Variants in UMAD1 observed in about 807,000 individuals in gnomAD.
UMAD1 encodes UBAP1-MVB12-associated (UMA)-domain containing protein 1.
UMAD1 carries 8 observed loss-of-function variants against 6.1 expected under a neutral mutation model. The ratio of observed to expected loss-of-function variants is 1.30; its 90% confidence interval spans 0.76 to 2.35. The LOEUF is 2.35. Ranked by LOEUF, UMAD1 falls within the 30% of genes most tolerant of loss-of-function variation. UMAD1 has a pLI of 0.00. For missense variants in UMAD1, 130 were observed against 78.4 expected, an observed-to-expected ratio of 1.66 and a Z score of -2.49; for synonymous variants, 56 against 31.4, an observed-to-expected ratio of 1.78 and a Z score of -2.61.
At chr7:7,716,768 A>C (rs2115177574) in intron 2 of UMAD1, among the ~76,000 whole-genome samples, 1 of 152,172 alleles carries the variant, frequency 6.6e-6, no homozygotes, top group South Asian at 2.1e-4. Flanking sequence ...ACACGGTGAA[A>C]CCCCGTCTCT....
chr7:7,740,482 C>T (rs557818950), intron 2 of UMAD1, among the ~76,000 whole-genome samples: 41 of 152,312 alleles, frequency 2.7e-4, no homozygotes, highest in Non-Finnish European at 5.3e-4. Context: ...AGTTTTCTAT[C>T]AACTCTTAAA....
chr7:7,811,078 C>T (rs1044358817), intron 3 of UMAD1, among the ~76,000 whole-genome samples: 1 of 152,118 alleles, frequency 6.6e-6, no homozygotes, highest in African/African-American at 2.4e-5. Flanking sequence ...GGCATATTTT[C>T]CCCCGCAAAA....
At chr7:7,658,951 G>C (rs1318315074) in intron 1 of UMAD1, among the ~76,000 whole-genome samples, 1 of 151,954 alleles carries the variant, frequency 6.6e-6, no homozygotes, top group African/African-American at 2.4e-5. Flanking sequence ...TTTTTTGGTT[G>C]GTAGGCTATT....
At chr7:7,781,521 C>T (rs1376379852) in intron 2 of UMAD1, among the ~76,000 whole-genome samples, 1 of 151,784 alleles carries the variant, frequency 6.6e-6, no homozygotes, top group Non-Finnish European at 1.5e-5. Context: ...AGAAATGATT[C>T]TCCATTTATT....
intron 2 of UMAD1, among the ~76,000 whole-genome samples, chr7:7,793,754 T>C (rs1782615193): frequency 6.6e-6 from 1 of 152,174 alleles, no homozygotes; most frequent in African/African-American, 2.4e-5. Flanking sequence ...CTAAAATGAA[T>C]GTCCAAAAGC....
rs147523661 is a variant in UMAD1, at chr7:7,673,122, G to A, written c.-63-187G>A. On this transcript the variant is annotated intron_variant, in intron 1 of 3. Coordinates refer to ENST00000682710, the MANE Select transcript of UMAD1 (RefSeq NM_001302348.2). The stretch of plus-strand genomic sequence containing the variant: ...ACTGTGAACTTCAAAGGATACAGGA[G>A]TTTAAATTGGAAGATCATTTTCTAG... Among the ~76,000 whole-genome samples the A allele has an allele frequency of 1.8e-4, 27 of 152,314 alleles. 1 individual carries two copies. Among genetic ancestry groups the A allele is most frequent in the Non-Finnish European group, 3.4e-4 (23 of 68,030 alleles).
chr7:7,641,569 G>A (rs1263048742), intron 1 of UMAD1: 40 of 152,250 alleles, frequency 2.6e-4, no homozygotes, highest in Admixed American at 2.6e-3. Context: ...AGGGCGATCT[G>A]GAGGTCTGGA....
chr7:7,714,801 T>TG (rs1209719380), intron 2 of UMAD1, among the ~76,000 whole-genome samples: 1 of 151,914 alleles, frequency 6.6e-6, no homozygotes. Flanking sequence ...GTTGGGCACT[T>TG]GTGTAGAGTA....
intron 1 of UMAD1, among the ~76,000 whole-genome samples, chr7:7,651,333 G>C (rs1021314585): frequency 1.3e-5 from 2 of 152,106 alleles, no homozygotes; most frequent in Non-Finnish European, 2.9e-5. Flanking sequence ...TTGTCTTTTG[G>C]CTGGGGTTTG....
chr7:7,673,612 C>G (rs1260750507), intron 2 of UMAD1, among the ~76,000 whole-genome samples, 159 bp downstream of exon 2: 1 of 152,064 alleles, frequency 6.6e-6, no homozygotes, highest in Non-Finnish European at 1.5e-5. Context: ...TGAAAGTCAT[C>G]AATTACTTGG....
Position 7,745,051 on chromosome 7 carries a change from G to A in UMAD1, c.83-56619G>A, listed in dbSNP as rs189579828. On this transcript the variant is annotated intron_variant, in intron 2 of 3. Coordinates refer to ENST00000682710, the MANE Select transcript of UMAD1 (RefSeq NM_001302348.2). ...GTCTATTAGCACATACTTTATATAT[G>A]TTTTATATACTATATTCTTACCATA... Among the ~76,000 whole-genome samples the A allele has an allele frequency of 3.6e-3, 543 of 152,188 alleles. 6 individuals are homozygous for A. The highest frequency in any genetic ancestry group is 0.012 in the African/African-American group (518 of 41,504).
At chr7:7,870,390 C>T (rs76350544) in intron 3 of UMAD1, among the ~76,000 whole-genome samples, 12 of 152,264 alleles carry the variant, frequency 7.9e-5, no homozygotes, top group East Asian at 7.7e-4. Flanking sequence ...ATAACAAATA[C>T]GCTTTATGAA....
chr7:7,702,838 G>C (rs1780494123), intron 2 of UMAD1, among the ~76,000 whole-genome samples: 1 of 152,150 alleles, frequency 6.6e-6, no homozygotes, highest in South Asian at 2.1e-4. Flanking sequence ...AAAATGCTTA[G>C]AGACAAGTCA....
intron 2 of UMAD1, among the ~76,000 whole-genome samples, chr7:7,703,921 G>A (rs771736939): frequency 2.0e-5 from 3 of 151,948 alleles, no homozygotes; most frequent in East Asian, 1.9e-4. Context: ...AAGCCTGGGC[G>A]ACAGATAACC....
intron 2 of UMAD1, among the ~76,000 whole-genome samples, chr7:7,683,101 C>G (rs899050424): frequency 7.2e-5 from 11 of 152,192 alleles, no homozygotes; most frequent in African/African-American, 2.7e-4. Flanking sequence ...GAGGTGCCAA[C>G]TGTACTCAGA....
At chr7:7,810,636 T>G (rs149735181) in intron 3 of UMAD1, among the ~76,000 whole-genome samples, 18 of 152,296 alleles carry the variant, frequency 1.2e-4, no homozygotes, top group African/African-American at 4.3e-4. Context: ...GATAGCTACA[T>G]AGGTTAAATC....
At chr7:7,844,082 G>A (rs915248664) in intron 3 of UMAD1, among the ~76,000 whole-genome samples, 3 of 152,158 alleles carry the variant, frequency 2.0e-5, no homozygotes, top group South Asian at 2.1e-4. Flanking sequence ...ATTCATAGCC[G>A]CCTTCTACCT....
chr7:7,728,006 G>C (rs1466578917), intron 2 of UMAD1, among the ~76,000 whole-genome samples: 2 of 151,730 alleles, frequency 1.3e-5, no homozygotes, highest in Non-Finnish European at 2.9e-5. Context: ...TGTCCCTCTA[G>C]AGAACCCTGA....
intron 2 of UMAD1, among the ~76,000 whole-genome samples, chr7:7,754,354 C>G (rs1324491685): frequency 6.6e-6 from 1 of 152,172 alleles, no homozygotes; most frequent in Non-Finnish European, 1.5e-5. Context: ...CTCTGGTGAT[C>G]AGTGATGTTG....
Sources: gnomAD v4.1 joint callset for allele counts (sites outside exome capture counted in the v4.1 genomes callset) on GRCh38, gnomAD v4.1.1 for gene constraint, MANE v1.5 for transcripts, NCBI Gene and HGNC (gene_info 2026-07-23, HGNC 2026-07-21) for gene names.